The following GALNT18 variants were observed in gnomAD, a reference collection of about 807,000 sequenced individuals.
GALNT18 encodes polypeptide N-acetylgalactosaminyltransferase 18, also known as GalNAc-transferase 18.
In GALNT18, 44 loss-of-function variants were observed where a neutral mutation model predicts 69.5. That is an observed-to-expected ratio of 0.63 (90% confidence interval 0.50 to 0.81). GALNT18 has a LOEUF of 0.81. GALNT18 is among the 40% of genes least tolerant of loss of function. The probability of loss-of-function intolerance (pLI) is 0.00; values close to 1 mark genes in which losing one functional copy is unlikely to be tolerated. For missense variants in GALNT18, 715 were observed against 810.0 expected (o/e 0.88, Z 1.42); for synonymous variants, 364 against 318.2 (o/e 1.14, Z -1.53).
intron 3 of GALNT18, among the ~76,000 whole-genome samples, chr11:11,395,547 A>G (rs1457589048): frequency 6.6e-6 from 1 of 152,244 alleles, no homozygotes; most frequent in African/African-American, 2.4e-5. Context: ...CAGGGACCTC[A>G]GGGAGCTTTA....
Position 11,276,481 on chromosome 11 carries a change from C to G in GALNT18, c.1678-5191G>C, listed in dbSNP as rs557789280. Among the ~76,000 whole-genome samples, 135 of 152,256 alleles carry G rather than the reference C, an allele frequency of 8.9e-4. 1 individual carries two copies. The highest frequency in any genetic ancestry group is 3.2e-3 in the African/African-American group (132 of 41,522). On this transcript the variant is annotated intron_variant, in intron 10 of 10. Coordinates refer to ENST00000227756, the MANE Select transcript of GALNT18 (RefSeq NM_198516.3). Reference sequence around the variant, plus strand: ...CAATCATGTCATCTGCAAACAGAGGCAATTTGACTTCCTCTCTCTCTTCCT... The same window carrying G: ...CAATCATGTCATCTGCAAACAGAGGGAATTTGACTTCCTCTCTCTCTTCCT...
chr11:11,526,398 T>C lies in GALNT18; in HGVS notation c.236-77462A>G, dbSNP rs181433963. On this transcript the variant is annotated intron_variant, in intron 1 of 10. Transcript: ENST00000227756. ...GGAGTCTTTGATGTTCCTTTAAAAA[T>C]GCAGCGCTGGTCCCTTTCTGGCATG... is the stretch of plus-strand genomic sequence containing the variant. 7.2e-5 allele frequency among the ~76,000 whole-genome samples: 11 copies of C among 152,336 alleles called. No individual in the cohort carries two copies. The East Asian group carries it at 1.9e-3, about 27-fold the overall frequency.
intron 9 of GALNT18, among the ~76,000 whole-genome samples, chr11:11,298,248 GA>G (rs1849434880): frequency 6.6e-6 from 1 of 152,268 alleles, no homozygotes; most frequent in Non-Finnish European, 1.5e-5. Flanking sequence ...ACAGCTTCAG[GA>G]AGGGAAGGAA....
chr11:11,273,445 A>T (rs539864920), intron 10 of GALNT18, among the ~76,000 whole-genome samples: 232 of 152,366 alleles, frequency 1.5e-3, no homozygotes, highest in African/African-American at 5.2e-3. Context: ...TTATGGAAAA[A>T]TGCTCAACAT....
intron 3 of GALNT18, among the ~76,000 whole-genome samples, chr11:11,391,324 T>G (rs1279844906): frequency 2.6e-5 from 4 of 152,274 alleles, no homozygotes; most frequent in Non-Finnish European, 5.9e-5. Context: ...ATGATCACTC[T>G]ATTAGGTAAG....
chr11:11,452,288 A>G (rs1855818359), intron 1 of GALNT18, among the ~76,000 whole-genome samples: 1 of 152,186 alleles, frequency 6.6e-6, no homozygotes, highest in Non-Finnish European at 1.5e-5. Flanking sequence ...GGTCCACCTC[A>G]CCCTGAGCCT....
At chr11:11,612,157 AT>A (rs143831148) in intron 1 of GALNT18, among the ~76,000 whole-genome samples, 15,478 of 152,158 alleles carry the variant, frequency 0.1, 1,064 homozygotes, top group Middle Eastern at 0.17. Context: ...CTAAGTCTTC[AT>A]TTTCTTACCT....
At chr11:11,451,542 A>AG (rs1855800139) in intron 1 of GALNT18, among the ~76,000 whole-genome samples, 1 of 151,938 alleles carries the variant, frequency 6.6e-6, no homozygotes, top group Admixed American at 6.5e-5. Flanking sequence ...GATGAGGTGG[A>AG]GGGCCTACAG....
chr11:11,300,612 T>G (rs967544441), intron 9 of GALNT18, among the ~76,000 whole-genome samples: 1 of 152,084 alleles, frequency 6.6e-6, no homozygotes, highest in African/African-American at 2.4e-5. Context: ...ATGGGGTGAT[T>G]GCAAACTTTT....
chr11:11,458,333 G>T (rs974180688), intron 1 of GALNT18, among the ~76,000 whole-genome samples: 1 of 152,030 alleles, frequency 6.6e-6, no homozygotes, highest in Admixed American at 6.6e-5. Flanking sequence ...TTTTAAAAGC[G>T]GCTTTATTGA....
intron 3 of GALNT18, among the ~76,000 whole-genome samples, chr11:11,412,936 G>A (rs545663282): frequency 6.6e-6 from 1 of 152,262 alleles, no homozygotes; most frequent in East Asian, 1.9e-4. Context: ...ATGATGGAAG[G>A]GAGCTAGTGG....
intron 1 of GALNT18, among the ~76,000 whole-genome samples, chr11:11,536,748 C>A (rs772390924): frequency 1.3e-5 from 2 of 152,128 alleles, no homozygotes; most frequent in Non-Finnish European, 2.9e-5. Flanking sequence ...CTGCTAATTG[C>A]GTTTAGCAAA....
In GALNT18 at chr11:11,404,562, T is replaced by C. The variant is rs1854544348; in HGVS notation, c.596-25298A>G. Among the ~76,000 whole-genome samples, 1 of 152,124 alleles carries C rather than the reference T, an allele frequency of 6.6e-6. No homozygotes were observed. The highest frequency in any genetic ancestry group is 2.1e-4 in the South Asian group (1 of 4,822). Reference sequence around the variant, plus strand: ...GAGAGTCACGTGGGAGGAAAATGTCTGAGTGTATCTGAACCACGGCTCCAT... The same window carrying C: ...GAGAGTCACGTGGGAGGAAAATGTCCGAGTGTATCTGAACCACGGCTCCAT... On this transcript the variant is annotated intron_variant, in intron 3 of 10. Transcript: ENST00000227756. The surrounding 1 kb of genome is among the most constrained non-coding windows in gnomAD (Gnocchi z 4.5).
chr11:11,408,817 A>C (rs914096366), intron 3 of GALNT18, among the ~76,000 whole-genome samples: 1 of 152,162 alleles, frequency 6.6e-6, no homozygotes, highest in Non-Finnish European at 1.5e-5. Context: ...CAGGATGAGT[A>C]TATATGGCAC....
chr11:11,476,349 G>C (rs558467358), intron 1 of GALNT18: 1 of 152,114 alleles, frequency 6.6e-6, no homozygotes, highest in Admixed American at 6.5e-5. Context: ...GCCTGGAACT[G>C]TTCTCCTGTG....
intron 1 of GALNT18, among the ~76,000 whole-genome samples, chr11:11,455,595 G>C (rs1271074020): frequency 3.3e-5 from 5 of 152,236 alleles, no homozygotes; most frequent in Admixed American, 2.0e-4. Context: ...TGGCTGTACA[G>C]ATCGGAAACC....
intron 2 of GALNT18, among the ~76,000 whole-genome samples, chr11:11,437,323 C>A (rs1174145184): frequency 6.6e-6 from 1 of 152,078 alleles, no homozygotes; most frequent in East Asian, 1.9e-4. Flanking sequence ...CCATTTTCCA[C>A]TAGAGATAAA....
chr11:11,502,404 G>A (rs1427208192), intron 1 of GALNT18, among the ~76,000 whole-genome samples: 1 of 152,226 alleles, frequency 6.6e-6, no homozygotes, highest in Non-Finnish European at 1.5e-5. Context: ...TCCCTCTGGG[G>A]AAGGACTGCT....
In GALNT18 at chr11:11,280,666, C is replaced by A. The variant is rs146085061; in HGVS notation, c.1678-9376G>T. Among the ~76,000 whole-genome samples the A allele has an allele frequency of 2.4e-3, 369 of 152,266 alleles. 5 individuals carry two copies. Among genetic ancestry groups the A allele is most frequent in the African/African-American group, 8.2e-3 (341 of 41,528 alleles). Reference sequence around the variant, plus strand: ...TGTATAATTTTCCAAACTGGTTGCCCTCCTTTGAACAAGCTCTGGCTAATT... The same window carrying A: ...TGTATAATTTTCCAAACTGGTTGCCATCCTTTGAACAAGCTCTGGCTAATT... On this transcript the variant is annotated intron_variant, in intron 10 of 10. Coordinates refer to ENST00000227756, the MANE Select transcript of GALNT18 (RefSeq NM_198516.3).
Sources: gnomAD v4.1 joint callset for allele counts (sites outside exome capture counted in the v4.1 genomes callset) on GRCh38, gnomAD v4.1.1 for gene constraint, Gnocchi (gnomAD v3.1) non-coding constraint, MANE v1.5 for transcripts, NCBI Gene and HGNC (gene_info 2026-07-23, HGNC 2026-07-21) for gene names.